The following TPD52L1 variants were observed in gnomAD, a reference collection of about 807,000 sequenced individuals.
The protein encoded by TPD52L1 is TPD52 like 1, also known as tumor protein D53.
Under a neutral mutation model 28.7 loss-of-function variants are expected in TPD52L1, and 18 were observed. The ratio of observed to expected loss-of-function variants is 0.63; its 90% CI spans 0.43 to 0.93. The LOEUF is 0.93. TPD52L1 is among the 40% of genes least tolerant of loss of function. The pLI is 0.00. For synonymous variants in TPD52L1, 75 were observed against 88.8 expected, an observed-to-expected ratio of 0.84 and a Z score of 0.88; for missense variants, 203 against 254.8, an observed-to-expected ratio of 0.80 and a Z score of 1.39.
At chr6:125,245,815 A>G (rs1277315832) in intron 3 of TPD52L1, among the ~76,000 whole-genome samples, 1 of 152,224 alleles carries the variant, frequency 6.6e-6, no homozygotes, top group African/African-American at 2.4e-5. Context: ...CAATGAACTC[A>G]GACCTGCCCC....
chr6:125,175,279 G>A (rs1439823048), intron 1 of TPD52L1, among the ~76,000 whole-genome samples: 1 of 152,104 alleles, frequency 6.6e-6, no homozygotes, highest in African/African-American at 2.4e-5. Flanking sequence ...ATAGTATTGA[G>A]TGCATATAGC....
At chr6:125,165,638 A>T (rs1222054846) in intron 1 of TPD52L1, among the ~76,000 whole-genome samples, 3 of 152,228 alleles carry the variant, frequency 2.0e-5, no homozygotes, top group Non-Finnish European at 4.4e-5. Flanking sequence ...TGTATCTTAT[A>T]CAAATTACAG....
Position 125,243,631 on chromosome 6 carries a change from C to T in TPD52L1, c.285-4651C>T, listed in dbSNP as rs138596967. 5.3e-3 allele frequency among the ~76,000 whole-genome samples: 804 copies of T among 152,084 alleles called. 6 individuals carry two copies. The highest frequency in any genetic ancestry group is 0.019 in the African/African-American group (772 of 41,516). On this transcript the variant is annotated intron_variant, in intron 3 of 6. Transcript: ENST00000534000. ...TTTTTATTTTCCTAAGCAAGTCTTT[C>T]ATTTCCAGAAGTTATGATTGTTTTT... is the stretch of plus-strand genomic sequence containing the variant.
intron 1 of TPD52L1, among the ~76,000 whole-genome samples, chr6:125,173,302 T>A (rs1380549034): frequency 2.6e-4 from 40 of 152,240 alleles, no homozygotes; most frequent in Non-Finnish European, 1.5e-5. Context: ...CTTTCCGCTT[T>A]GAGTCAGGCA....
At chr6:125,238,886 C>T (rs928078419) in intron 3 of TPD52L1, among the ~76,000 whole-genome samples, 1 of 152,188 alleles carries the variant, frequency 6.6e-6, no homozygotes, top group Non-Finnish European at 1.5e-5. Context: ...AGTTGATGGG[C>T]ATGTAAGCTG....
At chr6:125,175,833 T>C (rs1253430372) in intron 1 of TPD52L1, among the ~76,000 whole-genome samples, 1 of 149,444 alleles carries the variant, frequency 6.7e-6, no homozygotes, top group Non-Finnish European at 1.5e-5. Flanking sequence ...GGACAGCTGA[T>C]GTATATTTTA....
chr6:125,211,236 AT>A (rs1392612400), intron 1 of TPD52L1, among the ~76,000 whole-genome samples: 3 of 150,910 alleles, frequency 2.0e-5, no homozygotes, highest in African/African-American at 7.3e-5. Flanking sequence ...AAATACTGCG[AT>A]TTCATTTTTA....
At chr6:125,224,107 G>T (rs578051499) in intron 2 of TPD52L1, among the ~76,000 whole-genome samples, 3 of 149,380 alleles carry the variant, frequency 2.0e-5, no homozygotes, top group Non-Finnish European at 4.4e-5. Flanking sequence ...CAATAATTCT[G>T]TGCCACTATC....
chr6:125,156,080 T>C (rs1204080651), intron 1 of TPD52L1, among the ~76,000 whole-genome samples: 1 of 152,154 alleles, frequency 6.6e-6, no homozygotes, highest in Non-Finnish European at 1.5e-5. Flanking sequence ...GTGGTGCTCT[T>C]CCTTTCCCCT....
chr6:125,226,929 C>T (rs1795647724), intron 2 of TPD52L1, among the ~76,000 whole-genome samples: 1 of 152,094 alleles, frequency 6.6e-6, no homozygotes, highest in Admixed American at 6.5e-5. Flanking sequence ...ACAGTGTATT[C>T]TCATTTAATG....
intron 1 of TPD52L1, among the ~76,000 whole-genome samples, chr6:125,212,968 G>C (rs1582939719): frequency 1.3e-5 from 2 of 152,268 alleles, no homozygotes; most frequent in Non-Finnish European, 1.5e-5. Flanking sequence ...ATTATAATCA[G>C]ATCTATGATT....
intron 3 of TPD52L1, among the ~76,000 whole-genome samples, chr6:125,242,786 C>T (rs1321990368): frequency 3.3e-5 from 5 of 152,218 alleles, no homozygotes; most frequent in African/African-American, 9.6e-5. Context: ...AGGCCATTTA[C>T]GTTCAAAGTT....
chr6:125,221,764 C>T (rs947687082), intron 2 of TPD52L1: 2 of 152,292 alleles, frequency 1.3e-5, no homozygotes, highest in Middle Eastern at 3.4e-3. Context: ...TAATACACTT[C>T]CAGAACATTT....
chr6:125,257,843 A>G (rs994351005), intron 6 of TPD52L1, among the ~76,000 whole-genome samples: 1 of 151,950 alleles, frequency 6.6e-6, no homozygotes, highest in Admixed American at 6.5e-5. Flanking sequence ...TTTTAAAACA[A>G]GAAAAATCAT....
intron 4 of TPD52L1, among the ~76,000 whole-genome samples, chr6:125,249,427 C>T (rs1797122028): frequency 6.6e-6 from 1 of 151,538 alleles, no homozygotes; most frequent in African/African-American, 2.4e-5. Flanking sequence ...GCCTGTAATC[C>T]CGTCATTTTG....
chr6:125,230,636 A>G (rs186790675), intron 3 of TPD52L1, among the ~76,000 whole-genome samples: 129 of 152,226 alleles, frequency 8.5e-4, no homozygotes, highest in Non-Finnish European at 1.4e-3. Context: ...TTTTGCTCCT[A>G]TGAGAAGATG....
intron 3 of TPD52L1, among the ~76,000 whole-genome samples, chr6:125,233,992 A>G (rs1043542938): frequency 1.3e-5 from 2 of 152,190 alleles, no homozygotes; most frequent in Non-Finnish European, 2.9e-5. Context: ...AATAAATGCT[A>G]TCCATTCCAG....
At position 125,260,862 on chromosome 6, in the gene TPD52L1, AAG is replaced by A. The variant is rs1377753389; in HGVS notation, c.487-1970_487-1969del. 4.0e-5 allele frequency: 6 copies of A among 150,380 alleles called. No individual in the cohort carries two copies. In the East Asian group the frequency reaches 9.8e-4, roughly 25 times the overall value. The allele number at this position is 150,380 out of a possible 1,614,324, so 9.3% of individuals were successfully genotyped here. A position where few individuals can be genotyped will look rare whatever the true frequency, so the allele number is the denominator to read the frequency against. On this transcript the variant is annotated intron_variant, in intron 6 of 6. Coordinates refer to ENST00000534000, the MANE Select transcript of TPD52L1 (RefSeq NM_003287.4). ...GAAGAGAAAGAAAGTGAGAGAGAGA[AAG>A]AAAGAAAAGAAAGAAAGAAAAAGAA...
intron 3 of TPD52L1, among the ~76,000 whole-genome samples, chr6:125,230,849 A>G (rs1013844720): frequency 1.6e-4 from 24 of 152,330 alleles, no homozygotes; most frequent in Admixed American, 3.3e-4. Flanking sequence ...GGAGCTTGTC[A>G]GTTTATCTCC....
Sources: allele counts gnomAD v4.1 joint callset (sites outside exome capture counted in the v4.1 genomes callset), GRCh38; gene constraint gnomAD v4.1.1; transcripts MANE v1.5; gene names NCBI Gene and HGNC (gene_info 2026-07-23, HGNC 2026-07-21).